The following ZNF565 variants were observed in gnomAD, a reference collection of about 807,000 sequenced individuals.
ZNF565 encodes zinc finger protein 565.
Under a neutral mutation model 39.4 loss-of-function variants are expected in ZNF565, and 27 were observed. That is an observed-to-expected ratio of 0.69 (90% CI 0.51 to 0.95). The LOEUF (loss-of-function observed/expected upper bound fraction) is 0.95, where lower values mean the gene tolerates loss of function less well. ZNF565 is among the 40% of genes least tolerant of loss of function. The probability of loss-of-function intolerance (pLI) is 0.00; values close to 1 mark genes in which losing one functional copy is unlikely to be tolerated. For missense variants in ZNF565, 524 were observed against 621.1 expected (o/e 0.84, Z 1.66); for synonymous variants, 185 against 216.6 (o/e 0.85, Z 1.28).
intron 1 of ZNF565, among the ~76,000 whole-genome samples, chr19:36,239,503 AT>A (rs1350062936): frequency 6.6e-6 from 1 of 151,838 alleles, no homozygotes; most frequent in Non-Finnish European, 1.5e-5. Flanking sequence ...AAAAAAAAAA[AT>A]TGTAGCGATG....
chr19:36,222,022 T>G (rs1204811557), intron 1 of ZNF565, among the ~76,000 whole-genome samples: 1 of 149,474 alleles, frequency 6.7e-6, no homozygotes, highest in Non-Finnish European at 1.5e-5. Context: ...CTCCAACTGC[T>G]GGGCTGAAGT....
At chr19:36,215,659 C>A (rs1976571074), upstream of ZNF565, among the ~76,000 whole-genome samples, 2 of 148,076 alleles carry the variant, frequency 1.4e-5, no homozygotes, top group African/African-American at 5.0e-5. Flanking sequence ...ATCACCGTGA[C>A]TTTTTTTTTT....
At chr19:36,191,341 G>A (rs1975534831) in intron 4 of ZNF565, among the ~76,000 whole-genome samples, 1 of 142,308 alleles carries the variant, frequency 7.0e-6, no homozygotes, top group Non-Finnish European at 1.5e-5. Flanking sequence ...TTCCCGAGAT[G>A]GAGTCTCACT....
intron 1 of ZNF565, among the ~76,000 whole-genome samples, chr19:36,223,160 T>G (rs992548728): frequency 1.3e-4 from 20 of 151,736 alleles, no homozygotes; most frequent in Admixed American, 2.6e-4. Flanking sequence ...CTCACGCCTG[T>G]AATCCCAGCA....
intron 1 of ZNF565, among the ~76,000 whole-genome samples, chr19:36,233,290 G>A (rs1977472021): frequency 1.3e-5 from 2 of 152,138 alleles, no homozygotes; most frequent in Non-Finnish European, 2.9e-5. Flanking sequence ...GAGGCTTCAA[G>A]AATCACTTGA....
chr19:36,191,574 AGCTTAACGAGTTTTCAAGGGCCAAAGCC>A (rs1975544779), intron 4 of ZNF565, among the ~76,000 whole-genome samples: 1 of 152,168 alleles, frequency 6.6e-6, no homozygotes, highest in Non-Finnish European at 1.5e-5. Context: ...CCAGGAGCCA[AGCTTAACGAGTTTTCAAGGGCCAAAGCC>A]TGAACGATTC....
intron 1 of ZNF565, among the ~76,000 whole-genome samples, chr19:36,209,661 A>T (rs1976282444): frequency 6.6e-6 from 1 of 152,178 alleles, no homozygotes; most frequent in South Asian, 2.1e-4. Flanking sequence ...TTCAACCAGG[A>T]TGTGAGGGGA....
At chr19:36,219,198 C>G (rs1302458659), upstream of ZNF565, among the ~76,000 whole-genome samples, 1 of 152,158 alleles carries the variant, frequency 6.6e-6, no homozygotes, top group Non-Finnish European at 1.5e-5. Flanking sequence ...CTCACTCTGG[C>G]TCAGGCTGGG....
chr19:36,218,251 CA>C (rs1479014509), upstream of ZNF565: 1 of 151,902 alleles, frequency 6.6e-6, no homozygotes, highest in Non-Finnish European at 1.5e-5. Context: ...GAAATAATAG[CA>C]ATATTTGATT....
At chr19:36,232,609 C>CTTTTTTTT (rs548903056) in intron 1 of ZNF565, among the ~76,000 whole-genome samples, 2 of 140,078 alleles carry the variant, frequency 1.4e-5, no homozygotes, top group South Asian at 2.2e-4. Flanking sequence ...TTTCTTTTTT[C>CTTTTTTTT]TTTTTTTTTT....
chr19:36,225,919 C>T (rs182782041), intron 1 of ZNF565, among the ~76,000 whole-genome samples: 2 of 152,128 alleles, frequency 1.3e-5, no homozygotes, highest in East Asian at 1.9e-4. Context: ...TACCACCCCA[C>T]ACCCTGCTAA....
chr19:36,236,631 A>G, intron 1 of ZNF565: 1 of 1,614,206 alleles, frequency 6.2e-7, no homozygotes, highest in Non-Finnish European at 8.5e-7. Flanking sequence ...AAACATCAGA[A>G]CACCCATACT....
Position 36,183,335 on chromosome 19 carries a change from C to A in ZNF565, c.631G>T (p.Val211Phe). Residue 211 changes from valine to phenylalanine, a missense_variant, in exon 5 of 5, where the codon GTT becomes TTT. Val to Phe is a conservative substitution (Grantham distance 50, BLOSUM62 -1). Coordinates refer to ENST00000304116, the MANE Select transcript of ZNF565 (RefSeq NM_152477.5). ...CCCGTGTGAATTCTCTGATGCTGAACAAGGTGTGAGGCACGGCTGAAGGCC... is the reference window on the plus strand; with the variant it reads ...CCCGTGTGAATTCTCTGATGCTGAAAAAGGTGTGAGGCACGGCTGAAGGCC... ...GKAFSRASHLVQHQRIHTGEK... is the reference protein window; with the variant it reads ...GKAFSRASHLFQHQRIHTGEK... 1 of 1,611,274 alleles carries A rather than the reference C, an allele frequency of 6.2e-7. No individual in the cohort carries two copies. Among genetic ancestry groups the A allele is most frequent in the Non-Finnish European group, 8.5e-7 (1 of 1,179,038 alleles).
At chr19:36,197,593 T>C (rs1975812383) in intron 2 of ZNF565, among the ~76,000 whole-genome samples, 2 of 152,098 alleles carry the variant, frequency 1.3e-5, no homozygotes, top group South Asian at 2.1e-4. Context: ...TCGTATGTTA[T>C]GTCTTGTAAG....
At chr19:36,222,869 T>TAA (rs1224277570) in intron 1 of ZNF565, among the ~76,000 whole-genome samples, 2 of 141,004 alleles carry the variant, frequency 1.4e-5, no homozygotes, top group Non-Finnish European at 3.2e-5. Flanking sequence ...AAATAAGAGG[T>TAA]TTTGTTTTAA....
At chr19:36,207,179 T>C (rs992130067) in intron 1 of ZNF565, among the ~76,000 whole-genome samples, 5 of 152,148 alleles carry the variant, frequency 3.3e-5, no homozygotes, top group African/African-American at 9.7e-5. Flanking sequence ...TGTAAGAACT[T>C]TGGATTTTAT....
At chr19:36,201,717 G>A (rs931103709) in intron 2 of ZNF565, among the ~76,000 whole-genome samples, 27 of 151,850 alleles carry the variant, frequency 1.8e-4, no homozygotes, top group South Asian at 6.2e-4. Flanking sequence ...TCAAGCAATC[G>A]GCCCACCTCA....
intron 4 of ZNF565, among the ~76,000 whole-genome samples, chr19:36,186,380 G>A (rs1356461281): frequency 6.6e-6 from 1 of 152,128 alleles, no homozygotes. Context: ...CTTGTACTCT[G>A]TAACACTTTT....
At position 36,194,302 on chromosome 19, in the gene ZNF565, C is replaced by T. The variant is rs199965728; in HGVS notation, c.163G>A (p.Val55Ile). The stretch of plus-strand genomic sequence containing the variant: ...TCTTTCCCTTGCTCCAATAAGGAGA[C>T]GACATCAGGCTTAGAAATGGAGAGT... ...LGLSISKPDV[V>I]SLLEQGKEPW... Residue 55 changes from valine to isoleucine, a missense_variant, in exon 4 of 5, where the codon GTC (valine) becomes ATC (isoleucine). Physicochemically the swap from Val to Ile is conservative, Grantham distance 29. Coordinates refer to ENST00000304116, the MANE Select transcript of ZNF565 (RefSeq NM_152477.5). The T allele has an allele frequency of 2.2e-4, 356 of 1,611,976 alleles. 3 individuals are homozygous for T. The highest frequency in any genetic ancestry group is 1.6e-4 in the Middle Eastern group (1 of 6,082).
Sources: allele counts gnomAD v4.1 joint callset (sites outside exome capture counted in the v4.1 genomes callset), GRCh38; gene constraint gnomAD v4.1.1; transcripts MANE v1.5; gene names NCBI Gene and HGNC (gene_info 2026-07-23, HGNC 2026-07-21).